The following METTL15 variants were observed in gnomAD, a reference collection of about 807,000 sequenced individuals.
METTL15 encodes the protein 12S rRNA N(4)-cytidine methyltransferase METTL15.
In METTL15, 34 loss-of-function variants were observed where a neutral mutation model predicts 38.3. The observed-to-expected ratio is 0.89, with a 90% CI of 0.68 to 1.18. The LOEUF is 1.18. METTL15 is among the 50% of genes most tolerant of loss of function. The pLI, the probability that METTL15 is intolerant of heterozygous loss-of-function variation, is 0.00. For missense variants in METTL15, 438 were observed against 498.4 expected, an observed-to-expected ratio of 0.88 and a Z score of 1.15; for synonymous variants, 162 against 170.9, an observed-to-expected ratio of 0.95 and a Z score of 0.41.
At chr11:28,308,833 G>A (rs1368215348) in intron 6 of METTL15, among the ~76,000 whole-genome samples, 2 of 151,990 alleles carry the variant, frequency 1.3e-5, no homozygotes, top group African/African-American at 4.8e-5. Context: ...CATCACTAAA[G>A]TGTCTCCCCT....
intron 6 of METTL15, chr11:28,517,125 G>T (rs567937101): frequency 3.9e-5 from 6 of 152,166 alleles, no homozygotes; most frequent in Non-Finnish European, 7.4e-5. Context: ...CCGCTGAGTT[G>T]TTGTGAAAAC....
intron 2 of METTL15, among the ~76,000 whole-genome samples, chr11:28,111,169 T>C (rs1243056038): frequency 6.6e-6 from 1 of 152,184 alleles, no homozygotes; most frequent in Non-Finnish European, 1.5e-5. Context: ...AATTAGTTCA[T>C]AATAAAATAT....
chr11:28,512,836 C>T (rs993147502), intron 6 of METTL15, among the ~76,000 whole-genome samples: 2 of 152,224 alleles, frequency 1.3e-5, no homozygotes, highest in African/African-American at 4.8e-5. Context: ...GGAGCCCAGG[C>T]AGAGGAGGCA....
At position 28,310,878 on chromosome 11, in the gene METTL15, A is replaced by ATGCTGCTGCTGCTGCTGC. The variant is rs878913369; in HGVS notation, c.778+13968_778+13985dup. Among the ~76,000 whole-genome samples, 47 of 64,728 alleles carry ATGCTGCTGCTGCTGCTGC rather than the reference A, an allele frequency of 7.3e-4. 1 individual carries two copies. Among genetic ancestry groups the ATGCTGCTGCTGCTGCTGC allele is most frequent in the African/African-American group, 2.6e-3 (34 of 13,212 alleles). The allele number at this position is 64,728 out of a possible 152,430, so 42.5% of individuals were successfully genotyped here. Reference sequence around the variant, plus strand: ...TTTTCATCTTTAAGACCTAGCTTAAATGCTGCTGCTGCTGCTGCTGCTGCT... The same window carrying ATGCTGCTGCTGCTGCTGC: ...TTTTCATCTTTAAGACCTAGCTTAAATGCTGCTGCTGCTGCTGCTGCTGCTGCTGCTGCTGCTGCTGCT... On this transcript the variant is annotated intron_variant, in intron 6 of 6. Transcript: ENST00000407364.
At chr11:28,408,386 G>C (rs556811609) in intron 5 of METTL15, among the ~76,000 whole-genome samples, 2 of 152,174 alleles carry the variant, frequency 1.3e-5, no homozygotes, top group Non-Finnish European at 2.9e-5. Context: ...AACCACCTCT[G>C]TTTCTATTTC....
chr11:28,297,283 T>C (rs1245023219), intron 6 of METTL15, among the ~76,000 whole-genome samples: 2 of 152,174 alleles, frequency 1.3e-5, no homozygotes, highest in African/African-American at 4.8e-5. Flanking sequence ...CAAAAGGATT[T>C]CTTGATCCAT....
chr11:28,227,200 T>A (rs1178993616), intron 4 of METTL15, among the ~76,000 whole-genome samples: 1 of 151,838 alleles, frequency 6.6e-6, no homozygotes, highest in Non-Finnish European at 1.5e-5. Flanking sequence ...ACCAACTACT[T>A]TTCAGGCAAT....
intron 3 of METTL15, among the ~76,000 whole-genome samples, chr11:28,179,090 A>G (rs976650070): frequency 6.6e-6 from 1 of 151,806 alleles, no homozygotes; most frequent in African/African-American, 2.4e-5. Flanking sequence ...GAGAGAGAAA[A>G]TGCACACACC....
At chr11:28,531,471 G>A (rs538055472), downstream of METTL15, among the ~76,000 whole-genome samples, 7 of 152,098 alleles carry the variant, frequency 4.6e-5, no homozygotes, top group Admixed American at 4.6e-4. Context: ...TTAGGACAGT[G>A]AAAGGAGAAC....
chr11:28,236,388 G>A (rs976717344), intron 4 of METTL15, among the ~76,000 whole-genome samples: 4 of 152,268 alleles, frequency 2.6e-5, no homozygotes, highest in Middle Eastern at 3.4e-3. Context: ...AATGGTACCA[G>A]TTCCTCCTTG....
chr11:28,340,562 T>G (rs1849941900), intron 3 of METTL15, among the ~76,000 whole-genome samples: 1 of 152,002 alleles, frequency 6.6e-6, no homozygotes, highest in South Asian at 2.1e-4. Flanking sequence ...CCAACAAACA[T>G]ACGAAAAAAA....
chr11:28,240,766 GA>G (rs1854259613), intron 4 of METTL15, among the ~76,000 whole-genome samples: 1 of 152,004 alleles, frequency 6.6e-6, no homozygotes, highest in South Asian at 2.1e-4. Context: ...CAGATGTTAA[GA>G]AAATTTAAAA....
Position 28,427,133 on chromosome 11 carries a change from G to A in METTL15, c.*424+2769G>A, listed in dbSNP as rs190209176. On this transcript the variant is annotated intron_variant and NMD_transcript_variant, in intron 6 of 7. Coordinates refer to the METTL15 transcript ENST00000532947. The stretch of plus-strand genomic sequence containing the variant: ...TGTATGTTGTGTAAGGAAGTAGTCC[G>A]CTTTCAATTTTCTTCATTTGGCCAG... Among the ~76,000 whole-genome samples, 27 of 152,092 alleles carry A rather than the reference G, an allele frequency of 1.8e-4. No individual in the cohort carries two copies. The East Asian group carries it at 2.7e-3, about 15-fold the overall frequency.
At chr11:28,177,909 T>G (rs898837459) in intron 3 of METTL15, among the ~76,000 whole-genome samples, 2 of 151,994 alleles carry the variant, frequency 1.3e-5, no homozygotes, top group African/African-American at 4.8e-5. Flanking sequence ...GAATTTATTG[T>G]AAGGCTATGG....
chr11:28,304,522 C>A (rs1177531848), intron 6 of METTL15, among the ~76,000 whole-genome samples: 2 of 152,014 alleles, frequency 1.3e-5, no homozygotes, highest in Admixed American at 1.3e-4. Flanking sequence ...TCGAAACTGG[C>A]CTGTTCAACA....
chr11:28,168,982 A>C (rs1360632172), intron 3 of METTL15, among the ~76,000 whole-genome samples: 1 of 152,168 alleles, frequency 6.6e-6, no homozygotes, highest in African/African-American at 2.4e-5. Context: ...TTTGGACTTT[A>C]ACCTGTAGGC....
At chr11:28,119,702 A>T (rs1852129076) in intron 3 of METTL15, among the ~76,000 whole-genome samples, 1 of 152,134 alleles carries the variant, frequency 6.6e-6, no homozygotes, top group African/African-American at 2.4e-5. Context: ...AATTTTCTTT[A>T]TTAAATGCAT....
intron 4 of METTL15, among the ~76,000 whole-genome samples, chr11:28,228,608 A>G (rs982985861): frequency 1.3e-5 from 2 of 151,858 alleles, no homozygotes; most frequent in African/African-American, 4.8e-5. Flanking sequence ...ATACATATAT[A>G]TGTATTGTAA....
intron 5 of METTL15, among the ~76,000 whole-genome samples, chr11:28,380,983 C>G (rs972728376): frequency 1.3e-5 from 2 of 151,858 alleles, no homozygotes; most frequent in African/African-American, 2.4e-5. Context: ...CTTAGTGTCC[C>G]TTTTGTCTTT....
Sources: gnomAD v4.1 joint callset for allele counts (sites outside exome capture counted in the v4.1 genomes callset) on GRCh38, gnomAD v4.1.1 for gene constraint, MANE v1.5 for transcripts, NCBI Gene and HGNC (gene_info 2026-07-23, HGNC 2026-07-21) for gene names.